The following FAM241A variants were observed in gnomAD, a reference collection of about 807,000 sequenced individuals.
FAM241A encodes family with sequence similarity 241 member A, also known as uncharacterized protein FAM241A.
FAM241A carries 7 observed loss-of-function variants against 12.2 expected under a neutral mutation model. The observed-to-expected ratio is 0.58, with a 90% CI of 0.33 to 1.08. The LOEUF (loss-of-function observed/expected upper bound fraction) is 1.08, where lower values mean the gene tolerates loss of function less well. FAM241A is among the 50% of genes least tolerant of loss of function. FAM241A has a pLI of 0.04. For synonymous variants in FAM241A, 74 were observed against 68.2 expected (o/e 1.08, Z -0.42); for missense variants, 161 against 169.7 (o/e 0.95, Z 0.29).
chr4:112,183,699 A>C (rs1004729436), intron 1 of FAM241A, among the ~76,000 whole-genome samples: 1 of 152,092 alleles, frequency 6.6e-6, no homozygotes, highest in Non-Finnish European at 1.5e-5. Context: ...AGTAAAAAAA[A>C]AAATTTTTTT....
chr4:112,177,048 A>G (rs1039958596), intron 1 of FAM241A, among the ~76,000 whole-genome samples: 1 of 151,978 alleles, frequency 6.6e-6, no homozygotes, highest in African/African-American at 2.4e-5. Flanking sequence ...ATATCTCTTC[A>G]TTCTTGCCGA....
At chr4:112,182,336 A>G (rs1487285852) in intron 1 of FAM241A, among the ~76,000 whole-genome samples, 1 of 152,188 alleles carries the variant, frequency 6.6e-6, no homozygotes, top group Non-Finnish European at 1.5e-5. Flanking sequence ...AATCCAGAAA[A>G]AGCAATATGT....
chr4:112,162,111 C>T (rs541807064), intron 1 of FAM241A, among the ~76,000 whole-genome samples: 4 of 152,084 alleles, frequency 2.6e-5, no homozygotes, highest in South Asian at 2.1e-4. Context: ...ATTCAACAAC[C>T]CTTCATGCTA....
At chr4:112,169,815 T>A (rs1276046215) in intron 1 of FAM241A, among the ~76,000 whole-genome samples, 1 of 152,210 alleles carries the variant, frequency 6.6e-6, no homozygotes, top group African/African-American at 2.4e-5. Context: ...AATATATAAC[T>A]AATCCAGAGG....
rs1319768233 is a variant in FAM241A, at chr4:112,188,872, G to T, written c.*1934G>T. 1 of 151,802 alleles carries T rather than the reference G, an allele frequency of 6.6e-6. No individual in the cohort carries two copies. Among genetic ancestry groups the T allele is most frequent in the Non-Finnish European group, 1.5e-5 (1 of 67,946 alleles). 9.4% of individuals were successfully genotyped at this position (151,802 alleles called of 1,614,324 possible). ...ACATCTGCACACTGGTGTTAATAGG[G>T]TATATATTAAATTATATAAAGAAAT... On this transcript the variant is annotated 3_prime_UTR_variant, in exon 2 of 2. Coordinates refer to ENST00000309733, the MANE Select transcript of FAM241A (RefSeq NM_152400.3).
At chr4:112,163,320 A>G (rs539026723) in intron 1 of FAM241A, among the ~76,000 whole-genome samples, 4 of 152,220 alleles carry the variant, frequency 2.6e-5, no homozygotes, top group African/African-American at 4.8e-5. Flanking sequence ...GGATCTAATT[A>G]AACTAAAGAG....
At chr4:112,181,393 T>C (rs1457510763) in intron 1 of FAM241A, among the ~76,000 whole-genome samples, 32 of 152,040 alleles carry the variant, frequency 2.1e-4, no homozygotes, top group Admixed American at 2.1e-3. Context: ...GAAAAATACA[T>C]GATAATTTCT....
intron 1 of FAM241A, among the ~76,000 whole-genome samples, chr4:112,170,338 T>C (rs1723691235): frequency 6.6e-6 from 1 of 152,180 alleles, no homozygotes; most frequent in African/African-American, 2.4e-5. Context: ...ATATATACTG[T>C]TTTTCCTGTG....
intron 1 of FAM241A, among the ~76,000 whole-genome samples, chr4:112,165,838 T>C (rs1723583822): frequency 1.3e-5 from 2 of 152,180 alleles, no homozygotes; most frequent in African/African-American, 4.8e-5. Context: ...AGACCTAGTA[T>C]TTGATAGTAC....
rs532974092 is a variant in FAM241A, at chr4:112,186,575, T to G, written c.154-118T>G. 8.9e-6 allele frequency: 8 copies of G among 903,598 alleles called. 1 individual carries two copies. The East Asian group carries it at 1.8e-4, about 21-fold the overall frequency. 56.0% of individuals were successfully genotyped at this position (903,598 alleles called of 1,614,324 possible). A position where few individuals can be genotyped will look rare whatever the true frequency, so the allele number is the denominator to read the frequency against. ...TTCCCATTGTGTTAACAGGTACTTG[T>G]AGAATAATTATCAGAAGTATGCCCA... On this transcript the variant is annotated intron_variant, in intron 1 of 1. Coordinates refer to ENST00000309733, the MANE Select transcript of FAM241A (RefSeq NM_152400.3).
chr4:112,163,610 G>A (rs533688635), intron 1 of FAM241A, among the ~76,000 whole-genome samples: 1 of 152,300 alleles, frequency 6.6e-6, no homozygotes, highest in African/African-American at 2.4e-5. Flanking sequence ...ACCACAATGA[G>A]ATACCATCTC....
In FAM241A at chr4:112,191,186, CTG is replaced by C. The variant is rs1403823750; in HGVS notation, c.*4252_*4253del. ...GGAGTTGTAGATGACATCCTTGACT[CTG>C]TGTTTCCTACACTACCTACATGTAA... On this transcript the variant is annotated 3_prime_UTR_variant, in exon 2 of 2. Coordinates refer to ENST00000309733, the MANE Select transcript of FAM241A (RefSeq NM_152400.3). 2.1e-5 allele frequency: 3 copies of C among 143,564 alleles called. No homozygotes were observed. The highest frequency in any genetic ancestry group is 7.9e-5 in the African/African-American group (3 of 37,886). 8.9% of individuals were successfully genotyped at this position (143,564 alleles called of 1,614,324 possible).
intron 1 of FAM241A, among the ~76,000 whole-genome samples, chr4:112,171,963 TA>T (rs1372293350): frequency 6.6e-6 from 1 of 152,224 alleles, no homozygotes; most frequent in Admixed American, 6.5e-5. Context: ...AAACTGCTTT[TA>T]AAAACTGATA....
At position 112,190,975 on chromosome 4, in the gene FAM241A, C is replaced by T. The variant is rs1419995709; in HGVS notation, c.*4037C>T. On this transcript the variant is annotated 3_prime_UTR_variant, in exon 2 of 2. Coordinates refer to ENST00000309733, the MANE Select transcript of FAM241A (RefSeq NM_152400.3). ...AGCTCCCCAATTTGCATCTCTAGAT[C>T]AGAGCACTGTACAGAATTTAAGACT... The T allele has an allele frequency of 1.3e-5, 2 of 152,260 alleles. No homozygotes were observed. Among genetic ancestry groups the T allele is most frequent in the Non-Finnish European group, 2.9e-5 (2 of 68,094 alleles). The allele number at this position is 152,260 out of a possible 1,614,324, so 9.4% of individuals were successfully genotyped here. A position where few individuals can be genotyped will look rare whatever the true frequency, so the allele number is the denominator to read the frequency against.
intron 1 of FAM241A, among the ~76,000 whole-genome samples, chr4:112,152,941 G>A (rs1240570990): frequency 6.6e-6 from 1 of 152,070 alleles, no homozygotes; most frequent in Admixed American, 6.5e-5. Flanking sequence ...ACACATGGAG[G>A]CACTCAATAA....
At chr4:112,186,149 TAA>T (rs879646909) in intron 1 of FAM241A, among the ~76,000 whole-genome samples, 3 of 145,462 alleles carry the variant, frequency 2.1e-5, no homozygotes, top group African/African-American at 7.5e-5. Flanking sequence ...GGCCTTATTG[TAA>T]AAAAAAAAAA....
chr4:112,192,795 T>C lies in FAM241A; in HGVS notation c.*5857T>C, dbSNP rs1226987870. The C allele has an allele frequency of 1.8e-4, 27 of 151,696 alleles. No individual in the cohort carries two copies. Among genetic ancestry groups the C allele is most frequent in the Middle Eastern group, 6.8e-3 (2 of 292 alleles). The allele number at this position is 151,696 out of a possible 1,614,324, so 9.4% of individuals were successfully genotyped here. A position where few individuals can be genotyped will look rare whatever the true frequency, so the allele number is the denominator to read the frequency against. The stretch of plus-strand genomic sequence containing the variant: ...AAGTCTTTGCTATTGTGAATAGTGC[T>C]GCAATAAACATACGTGTGCATGTGT... On this transcript the variant is annotated 3_prime_UTR_variant, in exon 2 of 2. Transcript: ENST00000309733.
At chr4:112,163,935 TA>T (rs1421235768) in intron 1 of FAM241A, among the ~76,000 whole-genome samples, 1 of 152,180 alleles carries the variant, frequency 6.6e-6, no homozygotes, top group South Asian at 2.1e-4. Flanking sequence ...TATGCAGCCA[TA>T]AAAAATGATG....
intron 1 of FAM241A, among the ~76,000 whole-genome samples, chr4:112,166,860 A>G (rs1274701463): frequency 6.6e-6 from 1 of 151,740 alleles, no homozygotes; most frequent in Non-Finnish European, 1.5e-5. Context: ...CACGCCTGTA[A>G]TCCCAGCACT....
Sources: gnomAD v4.1 joint callset for allele counts (sites outside exome capture counted in the v4.1 genomes callset) on GRCh38, gnomAD v4.1.1 for gene constraint, MANE v1.5 for transcripts, NCBI Gene and HGNC (gene_info 2026-07-23, HGNC 2026-07-21) for gene names.